The following EHHADH variants were observed in gnomAD, a reference collection of about 807,000 sequenced individuals.
The protein encoded by EHHADH is enoyl-CoA hydratase and 3-hydroxyacyl CoA dehydrogenase.
In EHHADH, 48 loss-of-function variants were observed where a neutral mutation model predicts 64.4. The ratio of observed to expected loss-of-function variants is 0.75; its 90% confidence interval spans 0.59 to 0.95. The LOEUF (loss-of-function observed/expected upper bound fraction) is 0.95. Ranked by LOEUF, EHHADH falls within the 40% of genes least tolerant of loss-of-function variation. The pLI is 0.00. For missense variants in EHHADH, 854 were observed against 876.6 expected, an observed-to-expected ratio of 0.97 and a Z score of 0.33; for synonymous variants, 308 against 326.7, an observed-to-expected ratio of 0.94 and a Z score of 0.62.
chr3:185,193,478 G>GT lies in EHHADH; in HGVS notation c.919dup (p.Thr307AsnfsTer74). The GT allele has an allele frequency of 1.9e-6, 3 of 1,613,714 alleles. No homozygotes were observed. Among genetic ancestry groups the GT allele is most frequent in the Non-Finnish European group, 2.5e-6 (3 of 1,179,900 alleles). On this transcript the variant is annotated frameshift_variant, in exon 7 of 7. Transcript: ENST00000231887. LOFTEE classifies it high-confidence loss of function. ...AGAAATGACAATGCCTCGGCCCATTGTTCCCAAGCCTGCAGATAAAAATCA... is the reference window on the plus strand; with the variant it reads ...AGAAATGACAATGCCTCGGCCCATTGTTTCCCAAGCCTGCAGATAAAAATCA...
chr3:185,234,718 A>T (rs1719240445), intron 3 of EHHADH, among the ~76,000 whole-genome samples: 2 of 152,250 alleles, frequency 1.3e-5, no homozygotes, highest in African/African-American at 4.8e-5. Context: ...TTGATGGATC[A>T]TAGAGAGGCC....
intron 5 of EHHADH, among the ~76,000 whole-genome samples, chr3:185,217,163 T>C (rs1397702099): frequency 6.6e-6 from 1 of 152,052 alleles, no homozygotes; most frequent in Admixed American, 6.6e-5. Flanking sequence ...GGTTACTGGG[T>C]CATGGGAGCT....
At chr3:185,227,899 G>A (rs1361807507) in intron 4 of EHHADH, among the ~76,000 whole-genome samples, 1 of 151,902 alleles carries the variant, frequency 6.6e-6, no homozygotes, top group Non-Finnish European at 1.5e-5. Context: ...GTGTGGGGCT[G>A]TCCTAAGGAC....
At position 185,241,706 on chromosome 3, in the gene EHHADH, T is replaced by TA. The variant is rs1442954974; in HGVS notation, c.179-6245dup. Among the ~76,000 whole-genome samples the TA allele has an allele frequency of 2.0e-5, 3 of 152,154 alleles. No individual in the cohort carries two copies. The East Asian group carries it at 5.8e-4, about 29-fold the overall frequency. The stretch of plus-strand genomic sequence containing the variant: ...TAGAGTCTGGGTATTAGTCCTTTGT[T>TA]AGATGTATAGATGGTGAAGATTTTC... On this transcript the variant is annotated intron_variant, in intron 2 of 6. Coordinates refer to ENST00000231887, the MANE Select transcript of EHHADH (RefSeq NM_001966.4).
intron 4 of EHHADH, among the ~76,000 whole-genome samples, chr3:185,228,257 A>AATACATATATATATAT (rs1719049698): frequency 4.5e-5 from 1 of 21,994 alleles, no homozygotes; most frequent in African/African-American, 1.2e-4. Flanking sequence ...AAAAAAAAAA[A>AATACATATATATATAT]ATATATATAT....
intron 4 of EHHADH, among the ~76,000 whole-genome samples, chr3:185,219,738 G>A (rs1718785884): frequency 6.6e-6 from 1 of 152,162 alleles, no homozygotes; most frequent in Non-Finnish European, 1.5e-5. Flanking sequence ...CATCTTGGTG[G>A]CAACAGTCCC....
At chr3:185,224,989 C>T (rs1034160045) in intron 4 of EHHADH, among the ~76,000 whole-genome samples, 2 of 152,174 alleles carry the variant, frequency 1.3e-5, no homozygotes, top group African/African-American at 2.4e-5. Context: ...GGAATTAGGA[C>T]GTGGACATCT....
chr3:185,235,196 A>T, intron 3 of EHHADH, 94 bp downstream of exon 3: 1 of 1,246,844 alleles, frequency 8.0e-7, no homozygotes, highest in African/African-American at 1.5e-5. Context: ...ACAAATAAAT[A>T]AAATAATCAC....
At position 185,239,141 on chromosome 3, in the gene EHHADH, A is replaced by G. The variant is rs149374383; in HGVS notation, c.179-3679T>C. Among the ~76,000 whole-genome samples, 601 of 152,138 alleles carry G rather than the reference A, an allele frequency of 4.0e-3. 2 individuals carry two copies. Among genetic ancestry groups the G allele is most frequent in the African/African-American group, 0.014 (566 of 41,516 alleles). On this transcript the variant is annotated intron_variant, in intron 2 of 6. Transcript: ENST00000231887. The stretch of plus-strand genomic sequence containing the variant: ...GTTCTCTATTCTGTTCCACTGGTCT[A>G]TGTGTCTATTTTTGTATCAGTACCA...
At chr3:185,234,742 TAAGGGAAAC>T (rs1719241391) in intron 3 of EHHADH, among the ~76,000 whole-genome samples, 1 of 152,122 alleles carries the variant, frequency 6.6e-6, no homozygotes, top group East Asian at 1.9e-4. Context: ...GGGCTAAGGT[TAAGGGAAAC>T]AAGGGAAACT....
intron 2 of EHHADH, chr3:185,245,650 GAC>G: frequency 1.4e-6 from 1 of 727,364 alleles, no homozygotes; most frequent in South Asian, 1.5e-5. Context: ...TAAATCTTAA[GAC>G]ATTTTCTATC....
At position 185,192,626 on chromosome 3, in the gene EHHADH, T is replaced by C. The variant is rs779678889; in HGVS notation, c.1772A>G (p.Lys591Arg). The C allele has an allele frequency of 6.2e-7, 1 of 1,614,206 alleles. No homozygotes were observed. Among genetic ancestry groups the C allele is most frequent in the Admixed American group, 1.7e-5 (1 of 60,020 alleles). ...GAATTTGGAAAGCCAGGGATCAGGTTTGTGAATCCTACCCAATGGCTTGTC... is the reference window on the plus strand; with the variant it reads ...GAATTTGGAAAGCCAGGGATCAGGTCTGTGAATCCTACCCAATGGCTTGTC... Reference protein sequence around the residue: ...QYDKPLGRIHKPDPWLSKFLS... With the variant: ...QYDKPLGRIHRPDPWLSKFLS... Residue 591 changes from lysine (K) to arginine (R), a missense_variant, in exon 7 of 7, where the codon AAA becomes AGA. Transcript: ENST00000231887.
rs185059435 is a variant in EHHADH, at chr3:185,204,462, C to T, written c.864G>A (p.Ser288=). Residue 288 remains serine (S), a synonymous_variant, in exon 6 of 7, where the codon TCG becomes TCA. Coordinates refer to ENST00000231887, the MANE Select transcript of EHHADH (RefSeq NM_001966.4). ...ANKWSTPSGA[S]WKTASARPVS... ...CAGGCCGCGCTGATGCTGTTTTCCACGATGCTCCGGAGGGAGTTGACCACT... is the reference window on the plus strand; with the variant it reads ...CAGGCCGCGCTGATGCTGTTTTCCATGATGCTCCGGAGGGAGTTGACCACT... 55 of 1,613,244 alleles carry T rather than the reference C, an allele frequency of 3.4e-5. No homozygotes were observed. The East Asian group carries it at 7.4e-4, about 22-fold the overall frequency.
chr3:185,239,468 TTTGTAGTACCCC>T (rs1302923645), intron 2 of EHHADH, among the ~76,000 whole-genome samples: 3 of 152,170 alleles, frequency 2.0e-5, no homozygotes, highest in Non-Finnish European at 4.4e-5. Context: ...TCATCAGTGT[TTTGTAGTACCCC>T]TTGTAGAGAT....
At chr3:185,253,719 G>T in intron 1 of EHHADH, 1 of 999,374 alleles carries the variant, frequency 1.0e-6, no homozygotes, top group Non-Finnish European at 1.3e-6. Flanking sequence ...AGTAAAACGG[G>T]GACGAGAGTT....
intron 4 of EHHADH, among the ~76,000 whole-genome samples, chr3:185,223,280 T>C (rs191413534): frequency 8.0e-4 from 122 of 152,328 alleles, no homozygotes; most frequent in African/African-American, 2.8e-3. Flanking sequence ...TCCTACCACA[T>C]CTTTTTATTG....
intron 4 of EHHADH, among the ~76,000 whole-genome samples, chr3:185,228,673 C>T (rs1274757231): frequency 2.0e-5 from 3 of 151,254 alleles, no homozygotes; most frequent in African/African-American, 4.9e-5. Flanking sequence ...AGCGAAACTC[C>T]GTCTCAAAAA....
At position 185,204,445 on chromosome 3, in the gene EHHADH, G is replaced by A. The variant is rs140514906; in HGVS notation, c.881C>T (p.Ala294Val). ...AACACCAACTGAGGAGACAGGCCGC[G>A]CTGATGCTGTTTTCCACGATGCTCC... ...PSGASWKTAS[A>V]RPVSSVGVVG... The change falls in exon 6 of 7, where the codon GCG (alanine) becomes GTG (valine). Residue 294 changes from alanine to valine, a missense_variant. Coordinates refer to ENST00000231887, the MANE Select transcript of EHHADH (RefSeq NM_001966.4). 1.5e-4 allele frequency: 234 copies of A among 1,612,050 alleles called. 2 individuals carry two copies. In the African/African-American group the frequency reaches 1.9e-3, roughly 13 times the overall value.
At chr3:185,244,543 T>C (rs1719543898) in intron 2 of EHHADH, among the ~76,000 whole-genome samples, 1 of 152,162 alleles carries the variant, frequency 6.6e-6, no homozygotes, top group Non-Finnish European at 1.5e-5. Flanking sequence ...TGTACTGAGT[T>C]GAATAGTGTT....
Sources: gnomAD v4.1 joint callset for allele counts (sites outside exome capture counted in the v4.1 genomes callset) on GRCh38, gnomAD v4.1.1 for gene constraint, MANE v1.5 for transcripts, NCBI Gene and HGNC (gene_info 2026-07-23, HGNC 2026-07-21) for gene names.